SYNE2: variants seen among roughly 807,000 people sequenced by gnomAD.
The protein encoded by SYNE2 is nesprin-2.
In SYNE2, 431 loss-of-function variants were observed where a neutral mutation model predicts 856.3. The observed-to-expected ratio is 0.50, with a 90% CI of 0.47 to 0.55. SYNE2 has a LOEUF of 0.55. Among genes scored for constraint, SYNE2 ranks in the 20% least tolerant of loss-of-function variants. The probability of loss-of-function intolerance (pLI) is 0.00; values close to 1 mark genes in which losing one functional copy is unlikely to be tolerated. For missense variants in SYNE2, 8,129 were observed against 8,023.2 expected (o/e 1.01, Z -0.50); for synonymous variants, 2,923 against 2,872.3 (o/e 1.02, Z -0.56).
In SYNE2 at chr14:64,120,927, C is replaced by T. The variant is rs369788128; in HGVS notation, c.13024C>T (p.His4342Tyr). The T allele has an allele frequency of 2.5e-6, 4 of 1,613,860 alleles. No individual in the cohort carries two copies. In the African/African-American group the frequency reaches 5.3e-5, roughly 22 times the overall value. The change falls in exon 68 of 116, where the codon CAT (histidine) becomes TAT (tyrosine). Residue 4342 changes from histidine (H) to tyrosine (Y), a missense_variant and splice_region_variant. Physicochemically the swap from His to Tyr is moderately conservative, Grantham distance 83. Transcript: ENST00000555002. ...MLQEKHSEDQ[H>Y]PTILKKSSEP... ...CCTGCCATTATGAAATGTTTTGCAG[C>T]ATCCTACCATTCTAAAGAAATCCTC... is the stretch of plus-strand genomic sequence containing the variant.
chr14:63,974,892 G>GTATATATATATA lies in SYNE2; in HGVS notation c.1129-1657_1129-1646dup, dbSNP rs145247655. On this transcript the variant is annotated intron_variant, in intron 11 of 115. Coordinates refer to ENST00000555002, the MANE Select transcript of SYNE2 (RefSeq NM_182914.3). ...TGTGTGTGTGTGTGTGTGTGTGTGT[G>GTATATATATATA]TATATATATATATATATATATATAT... Among the ~76,000 whole-genome samples the GTATATATATATA allele has an allele frequency of 8.2e-4, 55 of 67,292 alleles. 2 individuals are homozygous for GTATATATATATA. The highest frequency in any genetic ancestry group is 1.9e-3 in the Admixed American group (8 of 4,210). The allele number at this position is 67,292 out of a possible 152,430, so 44.1% of individuals were successfully genotyped here.
chr14:64,198,926 C>T (rs181021984), intron 99 of SYNE2, among the ~76,000 whole-genome samples: 2 of 152,218 alleles, frequency 1.3e-5, no homozygotes, highest in African/African-American at 4.8e-5. Flanking sequence ...TGTTGTATTA[C>T]AGTGTCAACA....
chr14:64,005,098 G>T (rs1567030073), intron 30 of SYNE2, among the ~76,000 whole-genome samples: 1 of 152,194 alleles, frequency 6.6e-6, no homozygotes, highest in Non-Finnish European at 1.5e-5. Context: ...AGAAGGTGCA[G>T]CAGTGAGGGG....
chr14:64,032,419 G>A (rs79545859), intron 45 of SYNE2, among the ~76,000 whole-genome samples: 7 of 151,952 alleles, frequency 4.6e-5, no homozygotes, highest in South Asian at 2.1e-4. Flanking sequence ...ATTAATAACC[G>A]GGCATGACAG....
At chr14:63,913,770 A>G (rs1017550817) in intron 2 of SYNE2, among the ~76,000 whole-genome samples, 6 of 146,886 alleles carry the variant, frequency 4.1e-5, no homozygotes, top group Non-Finnish European at 9.0e-5. Flanking sequence ...CCAGCAGTCC[A>G]TATTTTAAAT....
Position 64,165,451 on chromosome 14 carries a change from C to A in SYNE2, c.16605+41C>A, listed in dbSNP as rs758365945. The A allele has an allele frequency of 1.9e-6, 3 of 1,602,782 alleles. No homozygotes were observed. The Admixed American group carries it at 5.0e-5, about 27-fold the overall frequency. Reference sequence around the variant, plus strand: ...GTCTTTTCTAAGGGCTTAGACTCACCATAAGGTTAAAAAAAATAAGCTGAT... The same window carrying A: ...GTCTTTTCTAAGGGCTTAGACTCACAATAAGGTTAAAAAAAATAAGCTGAT... On this transcript the variant is annotated intron_variant, in intron 90 of 115. Transcript: ENST00000555002.
intron 1 of SYNE2, among the ~76,000 whole-genome samples, chr14:63,763,514 A>G (rs1886568019): frequency 6.6e-6 from 1 of 152,030 alleles, no homozygotes; most frequent in Non-Finnish European, 1.5e-5. Flanking sequence ...GTTTGAGACT[A>G]GACAGGGTAA....
intron 1 of SYNE2, among the ~76,000 whole-genome samples, chr14:63,832,911 G>A (rs530157964): frequency 6.2e-4 from 92 of 149,022 alleles, no homozygotes; most frequent in Non-Finnish European, 9.9e-4. Context: ...ATGGTGGCAC[G>A]TGCCTATAGT....
chr14:64,053,001 G>A lies in SYNE2; in HGVS notation c.9088G>A (p.Glu3030Lys), dbSNP rs60466225. 24 of 1,611,734 alleles carry A rather than the reference G, an allele frequency of 1.5e-5. No individual in the cohort carries two copies. In the East Asian group the frequency reaches 4.5e-4, roughly 30 times the overall value. ...LQTQVFEKEKELEEKIKQLDT... is the reference protein window; with the variant it reads ...LQTQVFEKEKKLEEKIKQLDT... ...AACCCAAGTATTTGAAAAAGAAAAG[G>A]AACTTGAAGAAAAAATTAAGCAGTT... Residue 3030 changes from glutamate to lysine, a missense_variant, in exon 48 of 116, where the codon GAA (glutamate) becomes AAA (lysine). By Grantham distance (56) the Glu-to-Lys change is moderately conservative. Around this residue, in one of 3 missense-constraint regions of SYNE2, gnomAD observed 5,410 missense variants for 5,284.8 expected, o/e 1.02. Transcript: ENST00000555002.
intron 1 of SYNE2, among the ~76,000 whole-genome samples, chr14:63,807,819 T>TCATATATATA (rs1888423337): frequency 7.8e-5 from 2 of 25,480 alleles, no homozygotes; most frequent in Admixed American, 1.5e-3. Flanking sequence ...TACTCCAGGC[T>TCATATATATA]TATATATATA....
intron 99 of SYNE2, among the ~76,000 whole-genome samples, chr14:64,192,906 C>T (rs1189946926): frequency 1.3e-5 from 2 of 152,182 alleles, no homozygotes; most frequent in African/African-American, 4.8e-5. Flanking sequence ...AAGCAAGGGC[C>T]AGGCTGAGAC....
At chr14:63,986,897 A>T (rs2096629941) in intron 19 of SYNE2, among the ~76,000 whole-genome samples, 1 of 152,160 alleles carries the variant, frequency 6.6e-6, no homozygotes, top group Non-Finnish European at 1.5e-5. Flanking sequence ...CTTGCACCAG[A>T]GGACAATGAG....
chr14:64,184,730 G>A (rs1361810454), intron 96 of SYNE2, among the ~76,000 whole-genome samples: 7 of 152,156 alleles, frequency 4.6e-5, no homozygotes, highest in South Asian at 2.1e-4. Context: ...GGAACCAATC[G>A]TGAGACCAAA....
At chr14:64,112,885 A>G (rs2097822847) in intron 65 of SYNE2, among the ~76,000 whole-genome samples, 1 of 152,198 alleles carries the variant, frequency 6.6e-6, no homozygotes, top group Non-Finnish European at 1.5e-5. Flanking sequence ...GGTATATTTT[A>G]TTGTATCCCT....
chr14:63,980,531 A>T (rs768992699), intron 14 of SYNE2, 123 bp from the exon 15 acceptor site: 15 of 673,828 alleles, frequency 2.2e-5, no homozygotes, highest in Non-Finnish European at 3.8e-5. Context: ...AATATGTAGT[A>T]TTAAAGCCCT....
intron 99 of SYNE2, chr14:64,190,724 C>G: frequency 1.5e-6 from 1 of 666,408 alleles, no homozygotes; most frequent in Admixed American, 2.2e-5. Flanking sequence ...CTCAGAGTGC[C>G]AGGTCTCCCA....
chr14:64,145,427 G>GA (rs1313516154), intron 83 of SYNE2, among the ~76,000 whole-genome samples: 1 of 150,448 alleles, frequency 6.6e-6, no homozygotes, highest in African/African-American at 2.4e-5. Flanking sequence ...AGGATTGCTT[G>GA]AACCCGGGAG....
In SYNE2 at chr14:64,002,920, G is replaced by T. The variant is rs750242213; in HGVS notation, c.3987G>T (p.Leu1329Phe). The T allele has an allele frequency of 6.2e-7, 1 of 1,614,186 alleles. No individual in the cohort carries two copies. Among genetic ancestry groups the T allele is most frequent in the Non-Finnish European group, 8.5e-7 (1 of 1,180,036 alleles). The change falls in exon 30 of 116, where the codon TTG (leucine) becomes TTT (phenylalanine). Residue 1329 changes from leucine to phenylalanine, a missense_variant. Leu to Phe is a conservative substitution (Grantham distance 22). Transcript: ENST00000555002. The stretch of plus-strand genomic sequence containing the variant: ...CTCTCAAAGCTCTGGAAGACTTTTT[G>T]GCGTCTCTCAGAACAGCTAAACTCT... ...EDTLKALEDF[L>F]ASLRTAKLSA...
chr14:64,149,409 A>G (rs1199765079), intron 84 of SYNE2, among the ~76,000 whole-genome samples: 1 of 152,254 alleles, frequency 6.6e-6, no homozygotes, highest in Non-Finnish European at 1.5e-5. Context: ...AGCTTGCTAA[A>G]GTGGCTTTAC....
Sources: gnomAD v4.1 joint callset for allele counts (sites outside exome capture counted in the v4.1 genomes callset) on GRCh38, gnomAD v4.1.1 for gene constraint, gnomAD v4.1.1 regional missense constraint, MANE v1.5 for transcripts, NCBI Gene and HGNC (gene_info 2026-07-23, HGNC 2026-07-21) for gene names.